The following IGFBP7 variants were observed in gnomAD, a reference collection of about 807,000 sequenced individuals.
IGFBP7 encodes the protein insulin-like growth factor-binding protein 7.
A neutral mutation model predicts 29.4 loss-of-function variants in IGFBP7; 31 were observed. The observed-to-expected ratio is 1.05, with a 90% confidence interval of 0.79 to 1.42. The LOEUF is 1.42. Ranked by LOEUF, IGFBP7 falls within the 40% of genes most tolerant of loss-of-function variation. The pLI is 0.00. For synonymous variants in IGFBP7, 172 were observed against 174.9 expected (o/e 0.98, Z 0.13); for missense variants, 393 against 395.5 (o/e 0.99, Z 0.05).
At chr4:57,094,040 T>C (rs1194519637) in intron 1 of IGFBP7, among the ~76,000 whole-genome samples, 1 of 152,136 alleles carries the variant, frequency 6.6e-6, no homozygotes, top group Non-Finnish European at 1.5e-5. Context: ...TGCATTTTAT[T>C]GGCTTGGCTT....
At chr4:57,063,484 C>T (rs1002184807) in intron 1 of IGFBP7, among the ~76,000 whole-genome samples, 8 of 152,232 alleles carry the variant, frequency 5.3e-5, no homozygotes, top group Non-Finnish European at 7.3e-5. Context: ...TACCAAAATA[C>T]ACAGTTTAGT....
chr4:57,046,983 C>T (rs550582960), intron 1 of IGFBP7, among the ~76,000 whole-genome samples: 202 of 152,328 alleles, frequency 1.3e-3, no homozygotes, highest in Middle Eastern at 3.4e-3. Context: ...TTTTATAACT[C>T]TCGCTCAGTA....
intron 1 of IGFBP7, among the ~76,000 whole-genome samples, chr4:57,082,693 C>T (rs1188476659): frequency 1.3e-5 from 2 of 152,166 alleles, no homozygotes; most frequent in Admixed American, 6.5e-5. Flanking sequence ...AAGTTGTCTA[C>T]TTTTACCTCC....
intron 1 of IGFBP7, among the ~76,000 whole-genome samples, chr4:57,084,870 A>C (rs1204649935): frequency 7.2e-6 from 1 of 139,296 alleles, no homozygotes; most frequent in Admixed American, 7.9e-5. Flanking sequence ...AGCTCACTGC[A>C]ACCTCAGACT....
At chr4:57,045,061 C>T (rs538985478) in intron 1 of IGFBP7, among the ~76,000 whole-genome samples, 4 of 152,236 alleles carry the variant, frequency 2.6e-5, no homozygotes, top group East Asian at 3.9e-4. Context: ...TGACAGCCAT[C>T]GTCAGGGGAT....
intron 1 of IGFBP7, among the ~76,000 whole-genome samples, chr4:57,072,463 G>A (rs1430544514): frequency 6.6e-6 from 1 of 152,142 alleles, no homozygotes; most frequent in Non-Finnish European, 1.5e-5. Flanking sequence ...AGCCCAGGAG[G>A]TTGATGATAC....
intron 1 of IGFBP7, among the ~76,000 whole-genome samples, chr4:57,065,832 C>T (rs1412977507): frequency 6.6e-6 from 1 of 152,182 alleles, no homozygotes; most frequent in Non-Finnish European, 1.5e-5. Context: ...TGGCCTCAAC[C>T]TCAGGAAATC....
intron 1 of IGFBP7, among the ~76,000 whole-genome samples, chr4:57,091,734 G>A (rs975639046): frequency 1.3e-5 from 2 of 152,158 alleles, no homozygotes; most frequent in African/African-American, 4.8e-5. Flanking sequence ...AGGAATACCT[G>A]CCTTACAAAG....
In IGFBP7 at chr4:57,110,114, AC is replaced by A; in HGVS notation, c.237del (p.Tyr80ThrfsTer9). The A allele has an allele frequency of 1.3e-6, 2 of 1,515,326 alleles. No homozygotes were observed. The allele number at this position is 1,515,326 out of a possible 1,614,324, so 93.9% of individuals were successfully genotyped here. A position where few individuals can be genotyped will look rare whatever the true frequency, so the allele number is the denominator to read the frequency against. ...EPCGGGGAGR[G>X]YCAPGMECVK... ...ACGCACTCCATGCCCGGCGCGCAGT[AC>A]CCCCTGCCGGCGCCGCCACCCCCGC... On this transcript the variant is annotated frameshift_variant, in exon 1 of 5. Coordinates refer to ENST00000295666, the MANE Select transcript of IGFBP7 (RefSeq NM_001553.3). LOFTEE classifies it high-confidence loss of function.
intron 1 of IGFBP7, among the ~76,000 whole-genome samples, chr4:57,082,773 A>G (rs550286594): frequency 1.3e-5 from 2 of 152,158 alleles, no homozygotes; most frequent in African/African-American, 4.8e-5. Context: ...TTTAATGAAA[A>G]TTTCATACCT....
At chr4:57,081,950 A>G (rs1293167719) in intron 1 of IGFBP7, among the ~76,000 whole-genome samples, 1 of 152,086 alleles carries the variant, frequency 6.6e-6, no homozygotes, top group African/African-American at 2.4e-5. Flanking sequence ...CTGTGTAAAC[A>G]GTTTGCATCC....
chr4:57,031,454 G>A (rs762232082), intron 4 of IGFBP7, 118 bp from the exon 5 acceptor site: 10 of 736,772 alleles, frequency 1.4e-5, no homozygotes, highest in Non-Finnish European at 2.1e-5. Flanking sequence ...TGGGGATAAA[G>A]GATATATGAG....
intron 1 of IGFBP7, among the ~76,000 whole-genome samples, chr4:57,043,677 C>T (rs940751220): frequency 2.0e-5 from 3 of 152,228 alleles, no homozygotes; most frequent in African/African-American, 7.2e-5. Context: ...ATGCTTCCTT[C>T]CCTCCAAACC....
chr4:57,057,581 C>T lies in IGFBP7; in HGVS notation c.476-16648G>A, dbSNP rs10013373. Among the ~76,000 whole-genome samples the T allele has an allele frequency of 8.2e-3, 1,246 of 152,236 alleles. 18 individuals are homozygous for T. Among genetic ancestry groups the T allele is most frequent in the African/African-American group, 0.028 (1,175 of 41,520 alleles). On this transcript the variant is annotated intron_variant, in intron 1 of 4. Transcript: ENST00000295666. ...GTAGGAAACTCATTCTTTAGAGGCA[C>T]GAGGAAGAAAATGTTCTCAGTACTC...
intron 1 of IGFBP7, among the ~76,000 whole-genome samples, chr4:57,092,667 TTA>T (rs533941218): frequency 8.0e-5 from 12 of 149,582 alleles, no homozygotes; most frequent in South Asian, 4.2e-4. Flanking sequence ...ACATAAAAAT[TTA>T]TATATATATA....
chr4:57,052,845 C>T (rs978932571), intron 1 of IGFBP7, among the ~76,000 whole-genome samples: 19 of 152,116 alleles, frequency 1.2e-4, no homozygotes, highest in African/African-American at 4.6e-4. Flanking sequence ...GTCTGTTTTT[C>T]TCAAGTGGAC....
intron 1 of IGFBP7, among the ~76,000 whole-genome samples, chr4:57,078,258 A>G (rs1725277018): frequency 6.6e-6 from 1 of 152,130 alleles, no homozygotes; most frequent in Admixed American, 6.5e-5. Flanking sequence ...CTCCTATTTT[A>G]CAGAGGAGGA....
At chr4:57,064,797 G>C (rs1370910857) in intron 1 of IGFBP7, among the ~76,000 whole-genome samples, 2 of 152,142 alleles carry the variant, frequency 1.3e-5, no homozygotes, top group Non-Finnish European at 2.9e-5. Context: ...CCTAGATAAC[G>C]GCAGAAAAGG....
intron 1 of IGFBP7, among the ~76,000 whole-genome samples, chr4:57,044,874 T>C (rs1275533022): frequency 4.6e-5 from 7 of 152,192 alleles, no homozygotes; most frequent in Non-Finnish European, 1.0e-4. Flanking sequence ...AAGAATTCTT[T>C]TTTTATTTTT....
Sources: gnomAD v4.1 joint callset for allele counts (sites outside exome capture counted in the v4.1 genomes callset) on GRCh38, gnomAD v4.1.1 for gene constraint, MANE v1.5 for transcripts, NCBI Gene and HGNC (gene_info 2026-07-23, HGNC 2026-07-21) for gene names.